GPRC5C: variants seen among roughly 807,000 people sequenced by gnomAD.
GPRC5C encodes the protein G protein-coupled receptor class C group 5 member C, also known as G protein-coupled receptor family C group 5 member C.
Under a neutral mutation model 31.4 loss-of-function variants are expected in GPRC5C, and 22 were observed. The ratio of observed to expected loss-of-function variants is 0.70; its 90% CI spans 0.50 to 1.00. The LOEUF (loss-of-function observed/expected upper bound fraction) is 1.00, where lower values mean the gene tolerates loss of function less well. Among genes scored for constraint, GPRC5C ranks in the 50% least tolerant of loss-of-function variants. The pLI is 0.00. For synonymous variants in GPRC5C, 249 were observed against 257.5 expected (o/e 0.97, Z 0.32); for missense variants, 557 against 597.2 (o/e 0.93, Z 0.70).
chr17:74,442,432 C>T (rs928469981), intron 2 of GPRC5C, among the ~76,000 whole-genome samples: 1 of 152,190 alleles, frequency 6.6e-6, no homozygotes, highest in East Asian at 1.9e-4. Flanking sequence ...ATCCCCTTAC[C>T]GATGTGGCCC....
chr17:74,433,254 C>T (rs1467203324), intron 1 of GPRC5C, among the ~76,000 whole-genome samples: 1 of 151,994 alleles, frequency 6.6e-6, no homozygotes, highest in East Asian at 1.9e-4. Context: ...CACCCCTGTG[C>T]CTTCAACTGG....
At chr17:74,446,734 G>T in intron 3 of GPRC5C, 115 bp from the exon 4 acceptor site, 3 of 795,682 alleles carry the variant, frequency 3.8e-6, no homozygotes, top group Non-Finnish European at 4.1e-6. Context: ...AGGAGCCGAG[G>T]GGGGAGTTGG....
chr17:74,432,447 A>C (rs994352469), intron 1 of GPRC5C: 3 of 1,068,506 alleles, frequency 2.8e-6, no homozygotes, highest in Non-Finnish European at 3.4e-6. Context: ...CGTCCCTCCC[A>C]CCCCCGCCCG....
chr17:74,433,830 G>T, intron 1 of GPRC5C: 6 of 1,054,862 alleles, frequency 5.7e-6, no homozygotes, highest in Non-Finnish European at 7.5e-6. Flanking sequence ...TGGCCCTGGT[G>T]GGTGGAGGGG....
intron 1 of GPRC5C, among the ~76,000 whole-genome samples, chr17:74,433,983 G>GGCCTCTGA (rs1159049654): frequency 3.3e-5 from 5 of 152,134 alleles, no homozygotes; most frequent in East Asian, 1.9e-4. Context: ...TGGGCCTCTG[G>GGCCTCTGA]GCCTCTGAGC....
intron 1 of GPRC5C, among the ~76,000 whole-genome samples, chr17:74,435,902 T>C (rs1358443849): frequency 6.6e-6 from 1 of 152,214 alleles, no homozygotes; most frequent in African/African-American, 2.4e-5. Flanking sequence ...ACCTCCGCCA[T>C]CCAACCAGTC....
At position 74,436,360 on chromosome 17, in the gene GPRC5C, T is replaced by C. The variant is rs2055431295; in HGVS notation, c.-32-3385T>C. Among the ~76,000 whole-genome samples the C allele has an allele frequency of 1.4e-4, 21 of 152,306 alleles. 1 individual carries two copies. The South Asian group carries it at 4.1e-3, about 30-fold the overall frequency. On this transcript the variant is annotated intron_variant, in intron 1 of 3. Transcript: ENST00000392627. ...CTTAGCTTTTGGGTGTCCCTGTCTC[T>C]TGGCAGTGTCTGGGACCTGGTATGT...
At chr17:74,438,116 C>G (rs1273367716) in intron 1 of GPRC5C, among the ~76,000 whole-genome samples, 1 of 148,240 alleles carries the variant, frequency 6.7e-6, no homozygotes, top group Admixed American at 6.7e-5. Flanking sequence ...CTCACTGCAG[C>G]CTCGATCCCC....
chr17:74,450,692 G>A (rs979186575), downstream of GPRC5C: 1 of 151,964 alleles, frequency 6.6e-6, no homozygotes, highest in Non-Finnish European at 1.5e-5. Flanking sequence ...TGCTCCAGAG[G>A]GTCCTGACGG....
At position 74,440,801 on chromosome 17, in the gene GPRC5C, C is replaced by A; in HGVS notation, c.1025C>A (p.Ala342Asp). The change falls in exon 2 of 4, where the codon GCC becomes GAC. Residue 342 changes from alanine to aspartate, a missense_variant. Transcript: ENST00000392627. The surrounding 1 kb of genome is among the most constrained non-coding windows in gnomAD (Gnocchi z 4.4). ...KGQSMFVENK[A>D]FSMDEPVAAK... is the part of the protein sequence containing the mutation. The stretch of plus-strand genomic sequence containing the variant: ...CAGAGCATGTTCGTGGAGAACAAGG[C>A]CTTTTCCATGGATGAGCCGGTTGCA... 4 of 1,506,336 alleles carry A rather than the reference C, an allele frequency of 2.7e-6. No homozygotes were observed. The highest frequency in any genetic ancestry group is 2.7e-6 in the Non-Finnish European group (3 of 1,121,340). The allele number at this position is 1,506,336 out of a possible 1,614,324, so 93.3% of individuals were successfully genotyped here. A position where few individuals can be genotyped will look rare whatever the true frequency, so the allele number is the denominator to read the frequency against.
chr17:74,446,767 C>T (rs1349335928), intron 3 of GPRC5C, 82 bp from the exon 4 acceptor site: 4 of 1,107,090 alleles, frequency 3.6e-6, no homozygotes, highest in African/African-American at 1.5e-5. Context: ...AGTCCCAGCC[C>T]TGCAGGAAGT....
At chr17:74,450,696 C>T (rs1382695519), downstream of GPRC5C, 1 of 151,958 alleles carries the variant, frequency 6.6e-6, no homozygotes, top group Non-Finnish European at 1.5e-5. Flanking sequence ...CCAGAGGGTC[C>T]TGACGGTCAC....
At chr17:74,441,442 T>C (rs2144428020) in intron 2 of GPRC5C, among the ~76,000 whole-genome samples, 1 of 152,332 alleles carries the variant, frequency 6.6e-6, no homozygotes, top group South Asian at 2.1e-4. Flanking sequence ...CACTATTGAC[T>C]GATATAATAT....
chr17:74,437,584 C>T (rs1035925168), intron 1 of GPRC5C, among the ~76,000 whole-genome samples: 1 of 150,080 alleles, frequency 6.7e-6, no homozygotes, highest in South Asian at 2.1e-4. Flanking sequence ...AGTTGCATTG[C>T]CCCTGATTTA....
At chr17:74,451,200 T>C (rs2144463400), downstream of GPRC5C, 1 of 152,296 alleles carries the variant, frequency 6.6e-6, no homozygotes, top group South Asian at 2.1e-4. Context: ...CAAGGCGCTG[T>C]GTTGCTTTCC....
intron 1 of GPRC5C, among the ~76,000 whole-genome samples, chr17:74,434,990 C>T (rs564821865): frequency 3.9e-4 from 60 of 151,936 alleles, no homozygotes; most frequent in African/African-American, 1.3e-3. Context: ...GAGGCCGAAG[C>T]GGGCGGATCA....
In GPRC5C at chr17:74,446,973, C is replaced by A. The variant is rs760584705; in HGVS notation, c.1271C>A (p.Pro424Gln). The A allele has an allele frequency of 2.5e-5, 40 of 1,614,166 alleles. No homozygotes were observed. Among genetic ancestry groups the A allele is most frequent in the Non-Finnish European group, 3.3e-5 (39 of 1,179,992 alleles). The part of the protein sequence containing the change: ...YSAQSHQAAT[P>Q]PKDGKNSQVF... ...GCCCAGAGCCACCAGGCGGCCACAC[C>A]GCCGAAAGACGGCAAGAACTCTCAG... The change falls in exon 4 of 4, where the codon CCG becomes CAG. Residue 424 changes from proline (P) to glutamine (Q), a missense_variant. By Grantham distance (76) the Pro-to-Gln change is moderately conservative. Transcript: ENST00000392627.
chr17:74,441,206 G>A (rs2055534207), intron 2 of GPRC5C, among the ~76,000 whole-genome samples: 2 of 152,132 alleles, frequency 1.3e-5, no homozygotes, highest in East Asian at 3.9e-4. Context: ...GAACCTGGGA[G>A]GCGGAGGTTG....
chr17:74,444,447 G>T (rs2055594881), intron 3 of GPRC5C, among the ~76,000 whole-genome samples: 1 of 152,372 alleles, frequency 6.6e-6, no homozygotes, highest in South Asian at 2.1e-4. Flanking sequence ...TTAGCCAGGG[G>T]AGGGGGAGGG....
Sources: gnomAD v4.1 joint callset for allele counts (sites outside exome capture counted in the v4.1 genomes callset) on GRCh38, gnomAD v4.1.1 for gene constraint, Gnocchi (gnomAD v3.1) non-coding constraint, MANE v1.5 for transcripts, NCBI Gene and HGNC (gene_info 2026-07-23, HGNC 2026-07-21) for gene names.